The following PAK3 variants were observed in gnomAD, a reference collection of about 807,000 sequenced individuals.
PAK3 encodes the protein p21 (RAC1) activated kinase 3.
In PAK3, 4 loss-of-function variants were observed where a neutral mutation model predicts 41.0. The ratio of observed to expected loss-of-function variants is 0.10; its 90% CI spans 0.05 to 0.22. The LOEUF is 0.22. PAK3 is among the 10% of genes least tolerant of loss of function. PAK3 has a pLI of 1.00. For missense variants in PAK3, 205 were observed against 409.9 expected (o/e 0.50, Z 4.32); for synonymous variants, 146 against 139.6 (o/e 1.05, Z -0.32).
chrX:111,029,064 G>C (rs1159090638), intron 1 of PAK3, among the ~76,000 whole-genome samples: 1 of 111,738 alleles, frequency 8.9e-6, no homozygotes, highest in Non-Finnish European at 1.9e-5. Context: ...TTGAGCCCAG[G>C]AGATGCAGGC....
chrX:111,130,140 C>A (rs1345756669), intron 5 of PAK3, among the ~76,000 whole-genome samples: 1 of 111,827 alleles, frequency 8.9e-6, no homozygotes, highest in Non-Finnish European at 1.9e-5. Context: ...AGGTAACTTC[C>A]TAATGATTTC....
At chrX:111,109,599 G>T (rs2093334534) in intron 4 of PAK3, among the ~76,000 whole-genome samples, 1 of 111,958 alleles carries the variant, frequency 8.9e-6, no homozygotes, top group Non-Finnish European at 1.9e-5. Context: ...AATCAGTAAA[G>T]CCATCAGTGA....
At chrX:111,185,985 T>C (rs2094506303) in intron 11 of PAK3, among the ~76,000 whole-genome samples, 1 of 111,086 alleles carries the variant, frequency 9.0e-6, no homozygotes, top group Admixed American at 9.6e-5. Context: ...CAAGGCTGGT[T>C]CAACATACAA....
chrX:110,974,859 C>A (rs1380985799), intron 1 of PAK3, among the ~76,000 whole-genome samples: 3 of 111,547 alleles, frequency 2.7e-5, no homozygotes, highest in Non-Finnish European at 5.6e-5. Flanking sequence ...ACAACAAAAA[C>A]CACATGATTA....
intron 5 of PAK3, among the ~76,000 whole-genome samples, chrX:111,141,227 C>T (rs749814730): frequency 9.0e-6 from 1 of 111,674 alleles, no homozygotes; most frequent in East Asian, 2.8e-4. Flanking sequence ...GACTATAGTT[C>T]TCAACTTAGT....
rs145215365 is a variant in PAK3, at chrX:111,215,902, C to T, written c.1408-519C>T. Among the ~76,000 whole-genome samples the T allele has an allele frequency of 9.8e-3, 1,099 of 112,241 alleles. 13 individuals are homozygous for T. The highest frequency in any genetic ancestry group is 0.033 in the African/African-American group (1,021 of 30,873). On this transcript the variant is annotated intron_variant, in intron 16 of 17. Coordinates refer to ENST00000372007, the MANE Select transcript of PAK3 (RefSeq NM_002578.5). ...GCCTCTCTCATCCAGGCACTGGCATCTTCTGGTTCATTGTACTTCCCTAAT... is the reference window on the plus strand; with the variant it reads ...GCCTCTCTCATCCAGGCACTGGCATTTTCTGGTTCATTGTACTTCCCTAAT...
intron 1 of PAK3, among the ~76,000 whole-genome samples, chrX:111,071,713 C>A (rs977685024): frequency 8.9e-6 from 1 of 112,052 alleles, no homozygotes; most frequent in Non-Finnish European, 1.9e-5. Flanking sequence ...TATTTGGTCA[C>A]ACAGGTGGTT....
chrX:111,016,406 G>A (rs760814476), intron 1 of PAK3, among the ~76,000 whole-genome samples: 7 of 111,415 alleles, frequency 6.3e-5, no homozygotes, highest in Non-Finnish European at 1.3e-4. Context: ...AGCTGTCTGA[G>A]ACAGGGAGAG....
chrX:111,118,326 C>T (rs975774320), intron 4 of PAK3, among the ~76,000 whole-genome samples: 1 of 111,247 alleles, frequency 9.0e-6, no homozygotes, highest in African/African-American at 3.3e-5. Flanking sequence ...GTTTCCCAGT[C>T]AAGTCTATGC....
chrX:111,056,705 A>T (rs1347215544), intron 1 of PAK3, among the ~76,000 whole-genome samples: 1 of 112,265 alleles, frequency 8.9e-6, no homozygotes. Flanking sequence ...ATTTACATAA[A>T]TTGCTACATA....
At chrX:111,196,778 C>A in intron 16 of PAK3, 138 bp downstream of exon 16, 9 of 389,321 alleles carry the variant, frequency 2.3e-5, no homozygotes, top group East Asian at 9.0e-5. Flanking sequence ...TTATAATTTT[C>A]AAATTTACTG....
intron 1 of PAK3, among the ~76,000 whole-genome samples, chrX:110,956,412 TG>T (rs1478460897): frequency 9.0e-6 from 1 of 111,645 alleles, no homozygotes; most frequent in East Asian, 2.8e-4. Flanking sequence ...TTTCTATATC[TG>T]GACCACCTAT....
intron 1 of PAK3, among the ~76,000 whole-genome samples, chrX:111,037,709 A>G (rs1446836571): frequency 1.8e-5 from 2 of 111,606 alleles, no homozygotes; most frequent in African/African-American, 6.5e-5. Context: ...AGAACCATGT[A>G]TTATCAGTTA....
chrX:111,111,879 C>G lies in PAK3; in HGVS notation c.-28+8573C>G, dbSNP rs146593233. 2.2e-3 allele frequency among the ~76,000 whole-genome samples: 242 copies of G among 111,654 alleles called. 1 individual carries two copies. The highest frequency in any genetic ancestry group is 3.3e-3 in the Non-Finnish European group (174 of 53,031). ...GTTAATCCTATCAAGGCTGGCATCT[C>G]TACCATCTTTGGCCAATGTCCACTG... On this transcript the variant is annotated intron_variant, in intron 4 of 17. Coordinates refer to ENST00000372007, the MANE Select transcript of PAK3 (RefSeq NM_002578.5).
At chrX:111,160,701 G>A (rs1312161570) in intron 8 of PAK3, among the ~76,000 whole-genome samples, 9 of 111,086 alleles carry the variant, frequency 8.1e-5, no homozygotes, top group African/African-American at 2.0e-4. Context: ...CCACCTATGA[G>A]TGAGAACATG....
chrX:111,172,947 T>C lies in PAK3; in HGVS notation c.767-71T>C, dbSNP rs2094362692. On this transcript the variant is annotated intron_variant, in intron 10 of 17. Transcript: ENST00000372007. ...ATTAAATTAAAAAACAGTCAATCAA[T>C]TTCTATTTCTCTCTCTCTCTCTCTC... 5 of 620,468 alleles carry C rather than the reference T, an allele frequency of 8.1e-6. No homozygotes were observed. In the Admixed American group the frequency reaches 1.2e-4, roughly 15 times the overall value. 51.1% of individuals were successfully genotyped at this position (620,468 alleles called of 1,213,427 possible).
chrX:111,185,316 T>C (rs936382442), intron 11 of PAK3, among the ~76,000 whole-genome samples: 6 of 111,736 alleles, frequency 5.4e-5, no homozygotes, highest in Non-Finnish European at 3.8e-5. Flanking sequence ...CATGGATCGA[T>C]TGCAAAAATT....
intron 1 of PAK3, among the ~76,000 whole-genome samples, chrX:111,019,346 A>AG (rs1361317791): frequency 9.1e-6 from 1 of 110,125 alleles, no homozygotes; most frequent in Non-Finnish European, 1.9e-5. Context: ...ATATCTGGTA[A>AG]GGGATTGATA....
chrX:111,174,410 T>C (rs908788943), intron 11 of PAK3, among the ~76,000 whole-genome samples: 1 of 111,376 alleles, frequency 9.0e-6, no homozygotes, highest in African/African-American at 3.3e-5. Context: ...GCCAAGTTTA[T>C]TCTTCCAGTC....
Sources: gnomAD v4.1 joint callset for allele counts (sites outside exome capture counted in the v4.1 genomes callset) on GRCh38, gnomAD v4.1.1 for gene constraint, MANE v1.5 for transcripts, NCBI Gene and HGNC (gene_info 2026-07-23, HGNC 2026-07-21) for gene names.